The following DEAF1 variants were observed in gnomAD, a reference collection of about 807,000 sequenced individuals.
DEAF1 encodes the protein DEAF1 transcription factor, also known as deformed epidermal autoregulatory factor 1 homolog.
Under a neutral mutation model 58.9 loss-of-function variants are expected in DEAF1, and 53 were observed. The ratio of observed to expected loss-of-function variants is 0.90; its 90% CI spans 0.72 to 1.13. The LOEUF is 1.13. DEAF1 is among the 50% of genes most tolerant of loss of function. DEAF1 has a pLI of 0.00. For synonymous variants in DEAF1, 385 were observed against 340.4 expected (o/e 1.13, Z -1.44); for missense variants, 685 against 791.4 (o/e 0.87, Z 1.61).
Position 644,366 on chromosome 11 carries a change from AG to A in DEAF1, c.*183del, listed in dbSNP as rs1443731719. ...CCGCGAGCGGGCAGGGGGCCCGGGCAGGGGGAGTGCGCTTCCCAGGGCACCA... is the reference window on the plus strand; with the variant it reads ...CCGCGAGCGGGCAGGGGGCCCGGGCAGGGGAGTGCGCTTCCCAGGGCACCA... On this transcript the variant is annotated 3_prime_UTR_variant, in exon 12 of 12. Coordinates refer to ENST00000382409, the MANE Select transcript of DEAF1 (RefSeq NM_021008.4). This position sits in a 1 kb window ranked among gnomAD's most constrained non-coding sequence, Gnocchi z 4.3. 1 of 646,082 alleles carries A rather than the reference AG, an allele frequency of 1.5e-6. No homozygotes were observed. The highest frequency in any genetic ancestry group is 1.8e-5 in the African/African-American group (1 of 55,746). 40.0% of individuals were successfully genotyped at this position (646,082 alleles called of 1,614,324 possible). A position where few individuals can be genotyped will look rare whatever the true frequency, so the allele number is the denominator to read the frequency against.
At chr11:655,837 A>T (rs1393641585) in intron 10 of DEAF1, among the ~76,000 whole-genome samples, 6 of 151,824 alleles carry the variant, frequency 4.0e-5, no homozygotes, top group African/African-American at 1.4e-4. Context: ...ATTTATTATT[A>T]TTATTATTTT....
At chr11:673,435 C>G (rs890666544) in intron 10 of DEAF1, among the ~76,000 whole-genome samples, 1 of 151,830 alleles carries the variant, frequency 6.6e-6, no homozygotes, top group Non-Finnish European at 1.5e-5. Context: ...GGCTGAGGCA[C>G]AAGAATCGCT....
chr11:680,969 T>C lies in DEAF1; in HGVS notation c.991A>G (p.Thr331Ala), dbSNP rs149354901. The change falls in exon 7 of 12, where the codon ACC (threonine) becomes GCC (alanine). Residue 331 changes from threonine (T) to alanine (A), a missense_variant. Physicochemically the swap from Thr to Ala is moderately conservative, Grantham distance 58. This residue lies in a region of DEAF1 where 343 missense variants were observed against 379.8 expected (regional missense o/e 0.90). Coordinates refer to ENST00000382409, the MANE Select transcript of DEAF1 (RefSeq NM_021008.4). Reference sequence around the variant, plus strand: ...TGTGTTTTCTCAAACTCACAGGTGGTAGCCGCGGTGGCTGGAAGCAATGTG... The same window carrying C: ...TGTGTTTTCTCAAACTCACAGGTGGCAGCCGCGGTGGCTGGAAGCAATGTG... The part of the protein sequence containing the change: ...NITLLPATAA[T>A]TFTVTPSGQI... The C allele has an allele frequency of 5.0e-6, 8 of 1,613,976 alleles. No individual in the cohort carries two copies. The African/African-American group carries it at 1.1e-4, about 22-fold the overall frequency.
intron 10 of DEAF1, among the ~76,000 whole-genome samples, chr11:655,751 C>T (rs1483656467): frequency 6.6e-6 from 1 of 152,252 alleles, no homozygotes; most frequent in African/African-American, 2.4e-5. Context: ...GACATTCAGT[C>T]ACTCACTTCA....
intron 10 of DEAF1, among the ~76,000 whole-genome samples, chr11:660,325 TCAGA>T (rs1859266285): frequency 6.6e-6 from 1 of 152,186 alleles, no homozygotes. Context: ...TGAGGAAGCA[TCAGA>T]CAAATTCAGA....
upstream of DEAF1, chr11:698,723 C>A: frequency 2.2e-6 from 2 of 920,318 alleles, no homozygotes. Flanking sequence ...TATCTAGTGG[C>A]AGGCCCACGG....
At chr11:653,471 TAGA>T (rs1395153943) in intron 11 of DEAF1, among the ~76,000 whole-genome samples, 1 of 132,678 alleles carries the variant, frequency 7.5e-6, no homozygotes, top group Admixed American at 7.8e-5. Context: ...GGCTCAATAA[TAGA>T]AGAACTGTGG....
At chr11:681,612 A>G (rs930012457) in intron 6 of DEAF1, among the ~76,000 whole-genome samples, 47 of 151,956 alleles carry the variant, frequency 3.1e-4, no homozygotes, top group African/African-American at 1.7e-4. Context: ...GGGTTTCACC[A>G]TGGTAGCCAG....
At chr11:675,969 G>T (rs1444735619) in intron 9 of DEAF1, among the ~76,000 whole-genome samples, 1 of 35,086 alleles carries the variant, frequency 2.9e-5, no homozygotes, top group Admixed American at 4.4e-4. Context: ...GACATCCCCC[G>T]GCACCCGACA....
chr11:695,629 T>G (rs1009512231), upstream of DEAF1: 97 of 1,244,852 alleles, frequency 7.8e-5, no homozygotes, highest in South Asian at 2.0e-4. Context: ...ACGTCGGTTC[T>G]CCACCTCTTC....
chr11:700,178 A>G (rs1861378538), upstream of DEAF1: 2 of 1,614,102 alleles, frequency 1.2e-6, no homozygotes, highest in South Asian at 1.1e-5. Context: ...GTTTTATCTC[A>G]GCGGAACGTA....
intron 1 of DEAF1, among the ~76,000 whole-genome samples, chr11:705,689 G>C (rs1861682161): frequency 6.6e-6 from 1 of 152,152 alleles, no homozygotes; most frequent in Non-Finnish European, 1.5e-5. Flanking sequence ...CCTGCGGTGG[G>C]CCCGGTAAGG....
intron 8 of DEAF1, 119 bp from the exon 9 acceptor site, chr11:678,941 T>C: frequency 7.4e-7 from 1 of 1,348,700 alleles, no homozygotes. Context: ...CACACGTGGC[T>C]ACTGAGCCCC....
Position 644,663 on chromosome 11 carries a change from G to T in DEAF1, c.1594-9C>A. The T allele has an allele frequency of 6.3e-7, 1 of 1,599,148 alleles. No individual in the cohort carries two copies. On this transcript the variant is annotated splice_polypyrimidine_tract_variant and intron_variant, in intron 11 of 11. Transcript: ENST00000382409. This position sits in a 1 kb window ranked among gnomAD's most constrained non-coding sequence, Gnocchi z 4.3. ...TGGTGATCCTTCCAGTCCTGGAAGG[G>T]AGGACACACCCATGTCAGCAGGGTC...
At chr11:678,446 A>T in intron 9 of DEAF1, 1 of 450,838 alleles carries the variant, frequency 2.2e-6, no homozygotes, top group Non-Finnish European at 4.1e-6. Context: ...ACTGGTTTCT[A>T]GGGGCGTGCC....
upstream of DEAF1, chr11:695,853 T>C (rs574021993): frequency 1.5e-4 from 179 of 1,228,618 alleles, 1 homozygote; most frequent in South Asian, 6.0e-3. Flanking sequence ...CGAGGTGAGC[T>C]CGGGCGGGGT....
chr11:704,911 C>A, intron 1 of DEAF1: 1 of 352,806 alleles, frequency 2.8e-6, no homozygotes, highest in Non-Finnish European at 5.6e-6. Context: ...AGGGTGAGGG[C>A]ACGGGTGCAC....
chr11:688,042 G>A lies in DEAF1; in HGVS notation c.533C>T (p.Pro178Leu), dbSNP rs1860674267. 1.2e-6 allele frequency: 2 copies of A among 1,614,048 alleles called. No homozygotes were observed. The highest frequency in any genetic ancestry group is 1.3e-5 in the African/African-American group (1 of 75,016). ...TTCTTGGCCGGGAGCCAGAGGGGTTGGAGGAGACTGAGGACCTTGGGCAGA... is the reference window on the plus strand; with the variant it reads ...TTCTTGGCCGGGAGCCAGAGGGGTTAGAGGAGACTGAGGACCTTGGGCAGA... ...APLTPGPQSP[P>L]TPLAPGQEKG... The change falls in exon 4 of 12, where the codon CCA (proline) becomes CTA (leucine). Residue 178 changes from proline to leucine, a missense_variant. Coordinates refer to ENST00000382409, the MANE Select transcript of DEAF1 (RefSeq NM_021008.4). This position sits in a 1 kb window ranked among gnomAD's most constrained non-coding sequence, Gnocchi z 4.3.
At chr11:650,045 A>G (rs28576114) in intron 11 of DEAF1, among the ~76,000 whole-genome samples, 1 of 117,742 alleles carries the variant, frequency 8.5e-6, no homozygotes, top group Non-Finnish European at 1.9e-5. Flanking sequence ...AAAAACAAAA[A>G]CAAAAACAAA....
Sources: gnomAD v4.1 joint callset for allele counts (sites outside exome capture counted in the v4.1 genomes callset) on GRCh38, gnomAD v4.1.1 for gene constraint, gnomAD v4.1.1 regional missense constraint, Gnocchi (gnomAD v3.1) non-coding constraint, MANE v1.5 for transcripts, NCBI Gene and HGNC (gene_info 2026-07-23, HGNC 2026-07-21) for gene names.